The following SHANK2 variants were observed in gnomAD, a reference collection of about 807,000 sequenced individuals.
SHANK2 encodes SH3 and multiple ankyrin repeat domains protein 2.
Under a neutral mutation model 133.7 loss-of-function variants are expected in SHANK2, and 43 were observed. That is an observed-to-expected ratio of 0.32 (90% CI 0.25 to 0.41). SHANK2 has a LOEUF of 0.41. SHANK2 is among the 10% of genes least tolerant of loss of function. SHANK2 has a pLI of 1.00. For missense variants in SHANK2, 1,994 were observed against 2,235.8 expected, an observed-to-expected ratio of 0.89 and a Z score of 2.18; for synonymous variants, 1,017 against 952.8, an observed-to-expected ratio of 1.07 and a Z score of -1.24.
rs1555100986 is a variant in SHANK2, at chr11:71,119,034, T to G, written c.208-2A>C. Reference sequence around the variant, plus strand: ...ATCCGGGTTAAATCGAATGCATTTCTGCCAGGAAGGACAAAGACAGCTGAT... The same window carrying G: ...ATCCGGGTTAAATCGAATGCATTTCGGCCAGGAAGGACAAAGACAGCTGAT... On this transcript the variant is annotated splice_acceptor_variant, in intron 3 of 25. Transcript: ENST00000601538. LOFTEE classifies it high-confidence loss of function. 1 of 1,551,604 alleles carries G rather than the reference T, an allele frequency of 6.4e-7. No homozygotes were observed. Among genetic ancestry groups the G allele is most frequent in the Non-Finnish European group, 8.7e-7 (1 of 1,146,904 alleles).
intron 2 of SHANK2, among the ~76,000 whole-genome samples, chr11:71,188,000 C>T (rs1015638502): frequency 5.9e-5 from 9 of 152,174 alleles, no homozygotes; most frequent in African/African-American, 1.9e-4. Context: ...CATCTCTGAT[C>T]CAGAGGCTTC....
intron 1 of SHANK2, among the ~76,000 whole-genome samples, chr11:71,251,304 G>A (rs1167800942): frequency 6.6e-6 from 1 of 152,182 alleles, no homozygotes; most frequent in African/African-American, 2.4e-5. Flanking sequence ...CCGCCTGGAG[G>A]GCGCCGCGCT....
intron 9 of SHANK2, among the ~76,000 whole-genome samples, chr11:71,073,147 C>CTTGTTTTTTTTTTTT: frequency 1.6e-5 from 1 of 62,758 alleles, no homozygotes; most frequent in Admixed American, 1.6e-4. Context: ...TTTTTCTTTT[C>CTTGTTTTTTTTTTTT]TTTTTTTTCT....
chr11:70,587,216 T>C (rs966808796), intron 17 of SHANK2, among the ~76,000 whole-genome samples: 2 of 152,154 alleles, frequency 1.3e-5, no homozygotes, highest in Non-Finnish European at 2.9e-5. Context: ...TTCTCTCAGA[T>C]GTCCAGGGAT....
intron 15 of SHANK2, chr11:70,669,189 T>G (rs569563713): frequency 6.6e-6 from 1 of 152,402 alleles, no homozygotes; most frequent in Non-Finnish European, 1.5e-5. Context: ...GCCATCAGCG[T>G]GAACACTGTC....
intron 2 of SHANK2, among the ~76,000 whole-genome samples, chr11:71,154,237 A>G (rs1266449269): frequency 6.6e-6 from 1 of 152,222 alleles, no homozygotes; most frequent in Non-Finnish European, 1.5e-5. Context: ...TCGGGGTCAA[A>G]CGGCTGCAGG....
In SHANK2 at chr11:70,550,410, G is replaced by A. The variant is rs1253062813; in HGVS notation, c.2062-47479C>T. On this transcript the variant is annotated intron_variant, in intron 17 of 25. Coordinates refer to ENST00000601538, the MANE Select transcript of SHANK2 (RefSeq NM_012309.5). ...GCATGCGTACCCCCAGGTGGGCTGGGGCAGGGGATGCTCTTCGGTTTTTGG... is the reference window on the plus strand; with the variant it reads ...GCATGCGTACCCCCAGGTGGGCTGGAGCAGGGGATGCTCTTCGGTTTTTGG... Among the ~76,000 whole-genome samples the A allele has an allele frequency of 5.9e-5, 9 of 152,296 alleles. No individual in the cohort carries two copies. In the East Asian group the frequency reaches 1.7e-3, roughly 29 times the overall value.
chr11:71,178,895 G>T (rs1590992277), intron 2 of SHANK2, among the ~76,000 whole-genome samples: 1 of 152,260 alleles, frequency 6.6e-6, no homozygotes, highest in East Asian at 1.9e-4. Flanking sequence ...AGGCATGAGA[G>T]TCACTTGAAT....
chr11:70,851,542 G>A (rs1228315888), intron 11 of SHANK2, among the ~76,000 whole-genome samples: 9 of 152,196 alleles, frequency 5.9e-5, no homozygotes, highest in South Asian at 2.1e-4. Context: ...TGAGGCAGCC[G>A]CCTTGGACTA....
rs1946480856 is a variant in SHANK2 at position 70,739,718 on chromosome 11, A to G, written c.1778-40955T>C. Among the ~76,000 whole-genome samples, 1 of 152,220 alleles carries G rather than the reference A, an allele frequency of 6.6e-6. No individual in the cohort carries two copies. Among genetic ancestry groups the G allele is most frequent in the Admixed American group, 6.5e-5 (1 of 15,280 alleles). ...GAAAGCCTAACCCCTGCTCCTCAGA[A>G]TGTGACTGTATTTGGAGATAAGGTC... On this transcript the variant is annotated intron_variant, in intron 14 of 25. Transcript: ENST00000601538. This position sits in a 1 kb window ranked among gnomAD's most constrained non-coding sequence, Gnocchi z 4.3.
intron 14 of SHANK2, among the ~76,000 whole-genome samples, chr11:70,777,692 G>A (rs898434673): frequency 1.3e-5 from 2 of 152,194 alleles, no homozygotes; most frequent in African/African-American, 2.4e-5. Flanking sequence ...ACAAACAGGC[G>A]TTTACAAATT....
At position 71,094,488 on chromosome 11, in the gene SHANK2, C is replaced by T. The variant is rs556851353; in HGVS notation, c.744+49G>A. On this transcript the variant is annotated intron_variant, in intron 7 of 25. Transcript: ENST00000601538. Reference sequence around the variant, plus strand: ...GCGGGGATGGGATGGGGCAGCCGCACGGAATCAGAGCACGGGGTGGCACCC... The same window carrying T: ...GCGGGGATGGGATGGGGCAGCCGCATGGAATCAGAGCACGGGGTGGCACCC... 378 of 1,521,882 alleles carry T rather than the reference C, an allele frequency of 2.5e-4. 1 individual carries two copies. The South Asian group carries it at 2.7e-3, about 11-fold the overall frequency. 94.3% of individuals were successfully genotyped at this position (1,521,882 alleles called of 1,614,324 possible). A position where few individuals can be genotyped will look rare whatever the true frequency, so the allele number is the denominator to read the frequency against.
chr11:70,503,744 T>C (rs1554967779), intron 17 of SHANK2, among the ~76,000 whole-genome samples: 2 of 152,170 alleles, frequency 1.3e-5, no homozygotes, highest in African/African-American at 4.8e-5. Flanking sequence ...CCCTGGCCCC[T>C]CTGCTATTCT....
In SHANK2 at chr11:71,175,723, A is replaced by G. The variant is rs1401456158; in HGVS notation, c.-12-28385T>C. ...AAATATGTAAAAAGAAAAATAACAT[A>G]TATTTTCAAAGTATAGGACAGGATG... On this transcript the variant is annotated intron_variant, in intron 2 of 25. Coordinates refer to ENST00000601538, the MANE Select transcript of SHANK2 (RefSeq NM_012309.5). This position sits in a 1 kb window ranked among gnomAD's most constrained non-coding sequence, Gnocchi z 4.2. Among the ~76,000 whole-genome samples, 2 of 152,252 alleles carry G rather than the reference A, an allele frequency of 1.3e-5. No individual in the cohort carries two copies. The highest frequency in any genetic ancestry group is 2.9e-5 in the Non-Finnish European group (2 of 68,042).
At chr11:71,057,713 G>A (rs1950936752) in intron 9 of SHANK2, among the ~76,000 whole-genome samples, 1 of 150,172 alleles carries the variant, frequency 6.7e-6, no homozygotes, top group East Asian at 1.9e-4. Context: ...ACCATGCCCA[G>A]CTAATTTTTT....
chr11:71,246,878 TC>T (rs1954967860), intron 1 of SHANK2, among the ~76,000 whole-genome samples: 1 of 152,066 alleles, frequency 6.6e-6, no homozygotes, highest in Non-Finnish European at 1.5e-5. Context: ...CAGTAACAGC[TC>T]CCCTTTTCCA....
At chr11:70,684,200 G>A (rs931114990) in intron 15 of SHANK2, among the ~76,000 whole-genome samples, 3 of 152,094 alleles carry the variant, frequency 2.0e-5, no homozygotes, top group East Asian at 1.9e-4. Flanking sequence ...CACTGTCCCC[G>A]TCCCCCTACC....
At chr11:71,076,834 T>C (rs1396233631) in intron 8 of SHANK2, among the ~76,000 whole-genome samples, 1 of 152,190 alleles carries the variant, frequency 6.6e-6, no homozygotes, top group African/African-American at 2.4e-5. Context: ...CAGCTGACCT[T>C]AGAGAAGCTA....
intron 14 of SHANK2, among the ~76,000 whole-genome samples, chr11:70,763,314 G>A (rs1241393564): frequency 6.6e-6 from 1 of 151,408 alleles, no homozygotes; most frequent in Non-Finnish European, 1.5e-5. Context: ...CATGGGATGG[G>A]AACTCCCATC....
Sources: allele counts gnomAD v4.1 joint callset (sites outside exome capture counted in the v4.1 genomes callset), GRCh38; gene constraint gnomAD v4.1.1; non-coding constraint Gnocchi (gnomAD v3.1); transcripts MANE v1.5; gene names NCBI Gene and HGNC (gene_info 2026-07-23, HGNC 2026-07-21).